The following NOTCH4 variants were observed in gnomAD, a reference collection of about 807,000 sequenced individuals.
NOTCH4 encodes the protein neurogenic locus notch homolog protein 4.
Under a neutral mutation model 189.0 loss-of-function variants are expected in NOTCH4, and 138 were observed. The ratio of observed to expected loss-of-function variants is 0.73; its 90% confidence interval spans 0.64 to 0.84. The LOEUF is 0.84. Ranked by LOEUF, NOTCH4 falls within the 40% of genes least tolerant of loss-of-function variation. NOTCH4 has a pLI of 0.00. For synonymous variants in NOTCH4, 942 were observed against 1,032.8 expected, an observed-to-expected ratio of 0.91 and a Z score of 1.69; for missense variants, 2,286 against 2,605.4, an observed-to-expected ratio of 0.88 and a Z score of 2.67.
In NOTCH4 at chr6:32,195,357, CATCTTA is replaced by C. The variant is rs929753889; in HGVS notation, c.*74_*79del. 4.5e-6 allele frequency: 6 copies of C among 1,342,956 alleles called. No individual in the cohort carries two copies. In the African/African-American group the frequency reaches 8.8e-5, roughly 20 times the overall value. 83.2% of individuals were successfully genotyped at this position (1,342,956 alleles called of 1,614,324 possible). A position where few individuals can be genotyped will look rare whatever the true frequency, so the allele number is the denominator to read the frequency against. On this transcript the variant is annotated 3_prime_UTR_variant, in exon 30 of 30. Transcript: ENST00000375023. The surrounding 1 kb of genome is among the most constrained non-coding windows in gnomAD (Gnocchi z 5.4). Reference sequence around the variant, plus strand: ...TCACAACCCTTCATTTTGGGGGATCCATCTTAAAACCAGGAAGGCCTTCCAGCCTGC... The same window carrying C: ...TCACAACCCTTCATTTTGGGGGATCCAAACCAGGAAGGCCTTCCAGCCTGC...
chr6:32,216,102 C>T (rs916199610), intron 11 of NOTCH4: 1 of 151,982 alleles, frequency 6.6e-6, no homozygotes, highest in Non-Finnish European at 1.5e-5. Context: ...TCTCAGCTCA[C>T]TGCAAGCTCC....
Position 32,210,837 on chromosome 6 carries a change from C to T in NOTCH4, c.2780G>A (p.Cys927Tyr). 1.2e-6 allele frequency: 2 copies of T among 1,613,030 alleles called. No individual in the cohort carries two copies. The highest frequency in any genetic ancestry group is 1.7e-6 in the Non-Finnish European group (2 of 1,179,998). Residue 927 changes from cysteine to tyrosine, a missense_variant, in exon 18 of 30, where the codon TGC (cysteine) becomes TAC (tyrosine). Cys to Tyr is a radical substitution (Grantham distance 194). Transcript: ENST00000375023. This position sits in a 1 kb window ranked among gnomAD's most constrained non-coding sequence, Gnocchi z 4.8. ...HCPPGFQGSL[C>Y]QDHVNPCESR... is the part of the protein sequence containing the mutation. ...CTCACATGGGTTCACGTGATCCTGGCACAGGCTGCCTTGGAATCCAGGGGG... is the reference window on the plus strand; with the variant it reads ...CTCACATGGGTTCACGTGATCCTGGTACAGGCTGCCTTGGAATCCAGGGGG...
At chr6:32,222,844 C>T (rs1561951340) in intron 2 of NOTCH4, 38 bp from the exon 3 acceptor site, 1 of 1,603,108 alleles carries the variant, frequency 6.2e-7, no homozygotes. Context: ...CATCACTGGT[C>T]CCTCTTCCTA....
At chr6:32,218,435 A>C (rs1040268191) in intron 8 of NOTCH4, among the ~76,000 whole-genome samples, 1 of 152,204 alleles carries the variant, frequency 6.6e-6, no homozygotes, top group Non-Finnish European at 1.5e-5. Flanking sequence ...TCAAGGTACA[A>C]ATAGGAACAA....
In NOTCH4 at chr6:32,205,650, G is replaced by A. The variant is rs114778428; in HGVS notation, c.2866-1261C>T. Among the ~76,000 whole-genome samples the A allele has an allele frequency of 6.7e-3, 996 of 149,570 alleles. 13 individuals are homozygous for A. The highest frequency in any genetic ancestry group is 0.023 in the African/African-American group (949 of 40,824). On this transcript the variant is annotated intron_variant, in intron 18 of 29. Coordinates refer to ENST00000375023, the MANE Select transcript of NOTCH4 (RefSeq NM_004557.4). ...ACTGCTTTTGTTTATGTTTGAAAAT[G>A]TTCATAATAAAAGGTTAAAAAATAA...
chr6:32,201,542 C>G lies in NOTCH4; in HGVS notation c.3756-42G>C. 1 of 1,426,824 alleles carries G rather than the reference C, an allele frequency of 7.0e-7. No individual in the cohort carries two copies. The highest frequency in any genetic ancestry group is 9.2e-7 in the Non-Finnish European group (1 of 1,090,676). 88.4% of individuals were successfully genotyped at this position (1,426,824 alleles called of 1,614,324 possible). On this transcript the variant is annotated intron_variant, in intron 21 of 29. Coordinates refer to ENST00000375023, the MANE Select transcript of NOTCH4 (RefSeq NM_004557.4). This position sits in a 1 kb window ranked among gnomAD's most constrained non-coding sequence, Gnocchi z 5.5. ...GGGGGACTCAGGACCTCCCTAAAAC[C>G]TGACTCTTTTCTTCACCCTAGAAAG...
rs769630093 is a variant in NOTCH4, at chr6:32,201,010, T to C, written c.4140-4A>G. 6.4e-7 allele frequency: 1 copy of C among 1,558,116 alleles called. No individual in the cohort carries two copies. The highest frequency in any genetic ancestry group is 1.2e-5 in the South Asian group (1 of 81,678). Reference sequence around the variant, plus strand: ...CACACCCATGACCACCACAAACCTGTAGAGGAGGCACCTCAGAGACCTCTG... The same window carrying C: ...CACACCCATGACCACCACAAACCTGCAGAGGAGGCACCTCAGAGACCTCTG... On this transcript the variant is annotated splice_polypyrimidine_tract_variant and splice_region_variant and intron_variant, in intron 22 of 29. Transcript: ENST00000375023. The surrounding 1 kb of genome is among the most constrained non-coding windows in gnomAD (Gnocchi z 5.5).
chr6:32,219,864 T>A, intron 7 of NOTCH4, 78 bp from the exon 8 acceptor site: 1 of 1,246,684 alleles, frequency 8.0e-7, no homozygotes, highest in Non-Finnish European at 1.1e-6. Context: ...AGGGAAGGTG[T>A]GGGGGCCTGC....
Position 32,210,682 on chromosome 6 carries a change from CA to C in NOTCH4, c.2865+69del. 6.8e-7 allele frequency: 1 copy of C among 1,463,184 alleles called. No homozygotes were observed. The highest frequency in any genetic ancestry group is 9.5e-7 in the Non-Finnish European group (1 of 1,049,726). The allele number at this position is 1,463,184 out of a possible 1,614,324, so 90.6% of individuals were successfully genotyped here. On this transcript the variant is annotated intron_variant, in intron 18 of 29. Coordinates refer to ENST00000375023, the MANE Select transcript of NOTCH4 (RefSeq NM_004557.4). This position sits in a 1 kb window ranked among gnomAD's most constrained non-coding sequence, Gnocchi z 4.8. ...GAAATGGATACATTGGGTCTTCCCT[CA>C]GTCACTACTGTCTCTCCCATCCAGC...
At position 32,199,078 on chromosome 6, in the gene NOTCH4, G is replaced by A; in HGVS notation, c.4383C>T (p.Ala1461=). ...CSPVAGVILL[A]LGALLVLQLI... ...GCTGGAGGACGAGAAGAGCCCCTAGGGCCAGGAGAATCACCCCGGCCACTG... is the reference window on the plus strand; with the variant it reads ...GCTGGAGGACGAGAAGAGCCCCTAGAGCCAGGAGAATCACCCCGGCCACTG... Residue 1461 remains alanine (A), a synonymous_variant, in exon 24 of 30, where the codon GCC becomes GCT. Transcript: ENST00000375023. The surrounding 1 kb of genome is among the most constrained non-coding windows in gnomAD (Gnocchi z 4.9). 6.2e-7 allele frequency: 1 copy of A among 1,612,708 alleles called. No individual in the cohort carries two copies. Among genetic ancestry groups the A allele is most frequent in the Non-Finnish European group, 8.5e-7 (1 of 1,179,812 alleles).
Position 32,199,190 on chromosome 6 carries a change from G to A in NOTCH4, c.4316-45C>T. On this transcript the variant is annotated intron_variant, in intron 23 of 29. Coordinates refer to ENST00000375023, the MANE Select transcript of NOTCH4 (RefSeq NM_004557.4). This position sits in a 1 kb window ranked among gnomAD's most constrained non-coding sequence, Gnocchi z 4.9. ...CACAAAGAGAGGCCACTCCTGGTGA[G>A]ACTGATTACTATTGGGAGACCTTTG... 7.1e-7 allele frequency: 1 copy of A among 1,407,986 alleles called. No individual in the cohort carries two copies. Among genetic ancestry groups the A allele is most frequent in the African/African-American group, 1.5e-5 (1 of 68,948 alleles). The allele number at this position is 1,407,986 out of a possible 1,614,324, so 87.2% of individuals were successfully genotyped here. A position where few individuals can be genotyped will look rare whatever the true frequency, so the allele number is the denominator to read the frequency against.
rs1789767670 is a variant in NOTCH4, at chr6:32,221,319, T to C, written c.458A>G (p.Gln153Arg). ...TGAACAGAAGTCCCGAAGCTGGCAC[T>C]GCTCACCTGAGGCAGAGGACAGAGG... ...CSCMPGWTGE[Q>R]CQLRDFCSAN... Residue 153 changes from glutamine (Q) to arginine (R), a missense_variant, in exon 4 of 30, where the codon CAG (glutamine) becomes CGG (arginine). Transcript: ENST00000375023. The surrounding 1 kb of genome is among the most constrained non-coding windows in gnomAD (Gnocchi z 4.3). 2 of 1,611,586 alleles carry C rather than the reference T, an allele frequency of 1.2e-6. No individual in the cohort carries two copies.
chr6:32,197,025 G>A lies in NOTCH4; in HGVS notation c.5100C>T (p.Asp1700=), dbSNP rs750431124. ...RQTAVDARTE[D]GTTPLMLAAR... The stretch of plus-strand genomic sequence containing the variant: ...CAGCCAGCATCAAGGGTGTGGTCCC[G>A]TCCTCTGTGCGAGCGTCCACTGCAG... Residue 1700 remains aspartate (D), a synonymous_variant, in exon 28 of 30, where the codon GAC becomes GAT. Transcript: ENST00000375023. 8.1e-6 allele frequency: 13 copies of A among 1,612,710 alleles called. No homozygotes were observed. The highest frequency in any genetic ancestry group is 8.5e-6 in the Non-Finnish European group (10 of 1,180,026).
rs1788434471 is a variant in NOTCH4 at position 32,202,692 on chromosome 6, G to T, written c.3232-93C>A. 4 of 1,209,732 alleles carry T rather than the reference G, an allele frequency of 3.3e-6. No homozygotes were observed. Among genetic ancestry groups the T allele is most frequent in the South Asian group, 3.4e-5 (2 of 59,238 alleles). 74.9% of individuals were successfully genotyped at this position (1,209,732 alleles called of 1,614,324 possible). A position where few individuals can be genotyped will look rare whatever the true frequency, so the allele number is the denominator to read the frequency against. On this transcript the variant is annotated intron_variant, in intron 20 of 29. Transcript: ENST00000375023. This position sits in a 1 kb window ranked among gnomAD's most constrained non-coding sequence, Gnocchi z 5.7. ...CTCTTGGGTTAAGACGGTGCAGAGG[G>T]TCCTAGATTCTCATATCTAAAAGGC...
In NOTCH4 at chr6:32,212,895, C is replaced by T. The variant is rs773534127; in HGVS notation, c.2455G>A (p.Ala819Thr). ...CCCTGAGGGCTGTCCTGGCAGGTTG[C>T]CCTATTCCTACAGGGGCTGAACAAG... ...SCADSPCRNR[A>T]TCQDSPQGPR... The change falls in exon 16 of 30, where the codon GCA becomes ACA. Residue 819 changes from alanine to threonine, a missense_variant. Coordinates refer to ENST00000375023, the MANE Select transcript of NOTCH4 (RefSeq NM_004557.4). This position sits in a 1 kb window ranked among gnomAD's most constrained non-coding sequence, Gnocchi z 4.4. 3.2e-6 allele frequency: 5 copies of T among 1,560,032 alleles called. No homozygotes were observed. The South Asian group carries it at 4.7e-5, about 15-fold the overall frequency.
At position 32,201,974 on chromosome 6, in the gene NOTCH4, G is replaced by T; in HGVS notation, c.3755+102C>A. On this transcript the variant is annotated intron_variant, in intron 21 of 29. Transcript: ENST00000375023. This position sits in a 1 kb window ranked among gnomAD's most constrained non-coding sequence, Gnocchi z 5.5. Reference sequence around the variant, plus strand: ...GTTATTAGGGTGGAAACTCCCTGGAGCCCAAGGCTGTGGCCACACTGTAAC... The same window carrying T: ...GTTATTAGGGTGGAAACTCCCTGGATCCCAAGGCTGTGGCCACACTGTAAC... 1 of 1,172,534 alleles carries T rather than the reference G, an allele frequency of 8.5e-7. No homozygotes were observed. The highest frequency in any genetic ancestry group is 1.1e-6 in the Non-Finnish European group (1 of 888,784). The allele number at this position is 1,172,534 out of a possible 1,614,324, so 72.6% of individuals were successfully genotyped here.
At chr6:32,207,069 A>G (rs551718310) in intron 18 of NOTCH4, among the ~76,000 whole-genome samples, 1 of 151,608 alleles carries the variant, frequency 6.6e-6, no homozygotes, top group East Asian at 2.0e-4. Context: ...AGCTGGGATT[A>G]CAGGTGCGCA....
Position 32,201,968 on chromosome 6 carries a change from C to T in NOTCH4, c.3755+108G>A. 8.9e-7 allele frequency: 1 copy of T among 1,125,372 alleles called. No individual in the cohort carries two copies. Among genetic ancestry groups the T allele is most frequent in the Non-Finnish European group, 1.2e-6 (1 of 850,182 alleles). 69.7% of individuals were successfully genotyped at this position (1,125,372 alleles called of 1,614,324 possible). A position where few individuals can be genotyped will look rare whatever the true frequency, so the allele number is the denominator to read the frequency against. The stretch of plus-strand genomic sequence containing the variant: ...GTGATGGTTATTAGGGTGGAAACTC[C>T]CTGGAGCCCAAGGCTGTGGCCACAC... On this transcript the variant is annotated intron_variant, in intron 21 of 29. Coordinates refer to ENST00000375023, the MANE Select transcript of NOTCH4 (RefSeq NM_004557.4). The surrounding 1 kb of genome is among the most constrained non-coding windows in gnomAD (Gnocchi z 5.5).
chr6:32,218,171 T>C, intron 8 of NOTCH4, 63 bp from the exon 9 acceptor site: 1 of 1,093,212 alleles, frequency 9.1e-7, no homozygotes, highest in Non-Finnish European at 1.4e-6. Context: ...ACCTGTGTTC[T>C]AGAATCGGCC....
Sources: gnomAD v4.1 joint callset for allele counts (sites outside exome capture counted in the v4.1 genomes callset) on GRCh38, gnomAD v4.1.1 for gene constraint, Gnocchi (gnomAD v3.1) non-coding constraint, MANE v1.5 for transcripts, NCBI Gene and HGNC (gene_info 2026-07-23, HGNC 2026-07-21) for gene names.